YWHAE: variants seen among roughly 807,000 people sequenced by gnomAD.
YWHAE encodes 14-3-3 protein epsilon.
Under a neutral mutation model 30.1 loss-of-function variants are expected in YWHAE, and 4 were observed. The observed-to-expected ratio is 0.13, with a 90% CI of 0.07 to 0.30. The LOEUF (loss-of-function observed/expected upper bound fraction) is 0.30. Ranked by LOEUF, YWHAE falls within the 10% of genes least tolerant of loss-of-function variation. The probability of loss-of-function intolerance (pLI) is 1.00; values close to 1 mark genes in which losing one functional copy is unlikely to be tolerated. For missense variants in YWHAE, 121 were observed against 315.9 expected, an observed-to-expected ratio of 0.38 and a Z score of 4.68; for synonymous variants, 118 against 111.8, an observed-to-expected ratio of 1.06 and a Z score of -0.35.
intron 1 of YWHAE, among the ~76,000 whole-genome samples, chr17:1,391,567 A>G (rs2073389886): frequency 6.6e-6 from 1 of 152,204 alleles, no homozygotes; most frequent in Non-Finnish European, 1.5e-5. Context: ...AATTTAATAA[A>G]TTTAAATGAA....
chr17:1,356,216 A>ACACACACACAC (rs1567959079), intron 4 of YWHAE, among the ~76,000 whole-genome samples: 11 of 138,560 alleles, frequency 7.9e-5, no homozygotes, highest in Non-Finnish European at 1.2e-4. Flanking sequence ...ACACACACAC[A>ACACACACACAC]AAATTAGCCG....
At chr17:1,358,596 T>C (rs930972520) in intron 4 of YWHAE, among the ~76,000 whole-genome samples, 7 of 151,508 alleles carry the variant, frequency 4.6e-5, no homozygotes, top group Non-Finnish European at 8.8e-5. Flanking sequence ...TCCCAGCACT[T>C]TGGGAGGGAG....
intron 1 of YWHAE, among the ~76,000 whole-genome samples, chr17:1,394,388 G>A (rs188476941): frequency 1.1e-4 from 15 of 141,474 alleles, no homozygotes; most frequent in East Asian, 2.1e-4. Flanking sequence ...CAAGGTGGGA[G>A]TCCAGGAATT....
chr17:1,373,746 T>G (rs2073081261), intron 1 of YWHAE, among the ~76,000 whole-genome samples: 1 of 152,052 alleles, frequency 6.6e-6, no homozygotes, highest in Non-Finnish European at 1.5e-5. Flanking sequence ...CACCTGCTGT[T>G]GGAAAATGGC....
chr17:1,380,231 C>T (rs1054632173), intron 1 of YWHAE, among the ~76,000 whole-genome samples: 12 of 151,732 alleles, frequency 7.9e-5, no homozygotes, highest in African/African-American at 2.7e-4. Context: ...CCTGCCTCAG[C>T]CTCCGAAGTA....
chr17:1,357,130 G>A lies in YWHAE; in HGVS notation c.579-2783C>T, dbSNP rs543396640. Among the ~76,000 whole-genome samples, 295 of 151,822 alleles carry A rather than the reference G, an allele frequency of 1.9e-3. 2 individuals are homozygous for A. The highest frequency in any genetic ancestry group is 3.4e-3 in the Non-Finnish European group (232 of 67,912). On this transcript the variant is annotated intron_variant, in intron 4 of 5. Coordinates refer to ENST00000264335, the MANE Select transcript of YWHAE (RefSeq NM_006761.5). Reference sequence around the variant, plus strand: ...TAAAAATACAAAAAATAGGCCGGGCGCGGTGGCTCACACCTGTAATCCCAG... The same window carrying A: ...TAAAAATACAAAAAATAGGCCGGGCACGGTGGCTCACACCTGTAATCCCAG...
At chr17:1,392,782 G>A (rs1424661922) in intron 1 of YWHAE, among the ~76,000 whole-genome samples, 2 of 151,892 alleles carry the variant, frequency 1.3e-5, no homozygotes, top group African/African-American at 2.4e-5. Context: ...CCCAGGAGGC[G>A]GAGGCTGCAG....
At chr17:1,377,556 G>A (rs116138821) in intron 1 of YWHAE, among the ~76,000 whole-genome samples, 1 of 152,308 alleles carries the variant, frequency 6.6e-6, no homozygotes, top group African/African-American at 2.4e-5. Context: ...CGAGGCCACA[G>A]TGAGCTATGA....
At chr17:1,348,951 G>A (rs1490305518) in intron 5 of YWHAE, among the ~76,000 whole-genome samples, 2 of 151,882 alleles carry the variant, frequency 1.3e-5, no homozygotes, top group South Asian at 4.2e-4. Flanking sequence ...GCGTGAACCC[G>A]GGAGGCGGAG....
intron 5 of YWHAE, among the ~76,000 whole-genome samples, chr17:1,350,271 T>C (rs1484924847): frequency 6.6e-6 from 1 of 152,060 alleles, no homozygotes; most frequent in Non-Finnish European, 1.5e-5. Context: ...TATTTTAAGA[T>C]GATCCATTTC....
intron 1 of YWHAE, among the ~76,000 whole-genome samples, chr17:1,397,012 C>T (rs2073483165): frequency 6.6e-6 from 1 of 151,852 alleles, no homozygotes; most frequent in Non-Finnish European, 1.5e-5. Flanking sequence ...ACCTTCACCT[C>T]CCGGGTTCAA....
At chr17:1,353,950 GATAAA>G (rs1426051594) in intron 5 of YWHAE, among the ~76,000 whole-genome samples, 2 of 152,150 alleles carry the variant, frequency 1.3e-5, no homozygotes, top group Non-Finnish European at 2.9e-5. Context: ...ATTGAATGAA[GATAAA>G]ATAAACTGCT....
Position 1,370,382 on chromosome 17 carries a change from T to C in YWHAE, c.65-5324A>G, listed in dbSNP as rs543962193. On this transcript the variant is annotated intron_variant, in intron 1 of 5. Coordinates refer to ENST00000264335, the MANE Select transcript of YWHAE (RefSeq NM_006761.5). ...TCCTGACCTTGTGATCCGCCCGCCT[T>C]GGCCTCCCAAAGTGCTGGGATTACA... Among the ~76,000 whole-genome samples, 436 of 151,932 alleles carry C rather than the reference T, an allele frequency of 2.9e-3. 2 individuals carry two copies. The highest frequency in any genetic ancestry group is 4.5e-3 in the East Asian group (23 of 5,092).
Position 1,348,114 on chromosome 17 carries a change from G to C in YWHAE, c.716-2615C>G. ...AAGGAAAACAATGATACAGGAGCCG[G>C]ACTTTGGTCTTACTTCGTGTAAACT... On this transcript the variant is annotated intron_variant, in intron 5 of 5. Transcript: ENST00000264335. 8.8e-6 allele frequency: 4 copies of C among 455,636 alleles called. No individual in the cohort carries two copies. In the South Asian group the frequency reaches 3.8e-4, roughly 43 times the overall value. The allele number at this position is 455,636 out of a possible 1,614,324, so 28.2% of individuals were successfully genotyped here. A position where few individuals can be genotyped will look rare whatever the true frequency, so the allele number is the denominator to read the frequency against.
chr17:1,370,184 G>T (rs531089762), intron 1 of YWHAE, among the ~76,000 whole-genome samples: 116 of 139,466 alleles, frequency 8.3e-4, no homozygotes, highest in South Asian at 3.8e-3. Context: ...TGGAGTGCCT[G>T]GGCGTGATCT....
intron 5 of YWHAE, among the ~76,000 whole-genome samples, chr17:1,349,895 G>A (rs1221180056): frequency 6.6e-6 from 1 of 151,030 alleles, no homozygotes; most frequent in Non-Finnish European, 1.5e-5. Context: ...ATTAACCGGC[G>A]TGAGCCACTG....
At chr17:1,354,385 T>C in intron 4 of YWHAE, 38 bp from the exon 5 acceptor site, 1 of 1,596,852 alleles carries the variant, frequency 6.3e-7, no homozygotes, top group Non-Finnish European at 8.5e-7. Flanking sequence ...AAAAATTAAG[T>C]CCAAAATCAG....
intron 4 of YWHAE, among the ~76,000 whole-genome samples, chr17:1,358,653 T>A (rs1419147617): frequency 6.6e-6 from 1 of 151,188 alleles, no homozygotes; most frequent in Non-Finnish European, 1.5e-5. Flanking sequence ...TAGTGAAACC[T>A]CGTCTCTACT....
chr17:1,396,033 C>T (rs537156134), intron 1 of YWHAE, among the ~76,000 whole-genome samples: 2 of 152,088 alleles, frequency 1.3e-5, no homozygotes, highest in Non-Finnish European at 2.9e-5. Flanking sequence ...GCAGGAGAAT[C>T]GCTTGAACCC....
Sources: allele counts gnomAD v4.1 joint callset (sites outside exome capture counted in the v4.1 genomes callset), GRCh38; gene constraint gnomAD v4.1.1; transcripts MANE v1.5; gene names NCBI Gene and HGNC (gene_info 2026-07-23, HGNC 2026-07-21).